Variants in ZNF43 observed in about 807,000 individuals in gnomAD.
ZNF43 encodes zinc finger protein 43.
In ZNF43, 44 loss-of-function variants were observed where a neutral mutation model predicts 68.4. The observed-to-expected ratio is 0.64, with a 90% CI of 0.51 to 0.83. The LOEUF is 0.83. ZNF43 is among the 40% of genes least tolerant of loss of function. The pLI, the probability that ZNF43 is intolerant of heterozygous loss-of-function variation, is 0.00. For missense variants in ZNF43, 896 were observed against 933.2 expected, an observed-to-expected ratio of 0.96 and a Z score of 0.52; for synonymous variants, 308 against 307.8, an observed-to-expected ratio of 1.00 and a Z score of -0.01.
intron 1 of ZNF43, among the ~76,000 whole-genome samples, chr19:21,832,641 C>G (rs1392950235): frequency 8.1e-6 from 1 of 123,236 alleles, no homozygotes; most frequent in Non-Finnish European, 1.7e-5. Context: ...CCAAGGCAGG[C>G]AGATAACAAG....
chr19:21,827,015 A>G (rs1367518174), intron 1 of ZNF43: 1 of 150,214 alleles, frequency 6.7e-6, no homozygotes, highest in Non-Finnish European at 1.5e-5. Context: ...AAAAAAAAAA[A>G]GAAGTTCAAA....
At chr19:21,839,413 C>A (rs1967359964), upstream of ZNF43, among the ~76,000 whole-genome samples, 2 of 145,600 alleles carry the variant, frequency 1.4e-5, no homozygotes, top group South Asian at 4.3e-4. Context: ...CCCCAGTGGA[C>A]AAGGCCAAAA....
Position 21,808,633 on chromosome 19 carries a change from G to T in ZNF43, c.1404C>A (p.Asn468Lys). 6.2e-7 allele frequency: 1 copy of T among 1,613,204 alleles called. No homozygotes were observed. The highest frequency in any genetic ancestry group is 8.5e-7 in the Non-Finnish European group (1 of 1,179,636). ...VCGKAFNQFS[N>K]LTTHKRIHTA... ...TATGAATTCTCTTATGTGTAGTAAGGTTTGAGAACTGGTTAAAGGCTTTGC... is the reference window on the plus strand; with the variant it reads ...TATGAATTCTCTTATGTGTAGTAAGTTTTGAGAACTGGTTAAAGGCTTTGC... The change falls in exon 4 of 4, where the codon AAC (asparagine) becomes AAA (lysine). Residue 468 changes from asparagine to lysine, a missense_variant. Coordinates refer to ENST00000354959, the MANE Select transcript of ZNF43 (RefSeq NM_003423.4).
At chr19:21,812,267 C>T (rs919741126) in intron 3 of ZNF43, among the ~76,000 whole-genome samples, 4 of 152,272 alleles carry the variant, frequency 2.6e-5, no homozygotes, top group South Asian at 2.1e-4. Flanking sequence ...GCTGGGATTA[C>T]AGGCGCGCAC....
chr19:21,836,715 G>T (rs74606132), upstream of ZNF43, among the ~76,000 whole-genome samples: 5,535 of 152,202 alleles, frequency 0.036, 185 homozygotes, highest in South Asian at 0.15. Context: ...CTTCTGAGTA[G>T]CTGGGACCAC....
At chr19:21,838,525 G>A (rs1005475486), upstream of ZNF43, among the ~76,000 whole-genome samples, 5 of 151,526 alleles carry the variant, frequency 3.3e-5, no homozygotes, top group African/African-American at 4.9e-5. Flanking sequence ...TCAGCCTCCC[G>A]AGTAGCTGGG....
intron 1 of ZNF43, chr19:21,827,371 T>A (rs1453538520): frequency 6.6e-6 from 1 of 152,118 alleles, no homozygotes; most frequent in Non-Finnish European, 1.5e-5. Flanking sequence ...TGTGGTTTTT[T>A]TTTTTTTGAA....
In ZNF43 at chr19:21,808,274, T is replaced by C; in HGVS notation, c.1763A>G (p.His588Arg). 1 of 1,613,622 alleles carries C rather than the reference T, an allele frequency of 6.2e-7. No homozygotes were observed. The highest frequency in any genetic ancestry group is 8.5e-7 in the Non-Finnish European group (1 of 1,179,852). The change falls in exon 4 of 4, where the codon CAT becomes CGT. Residue 588 changes from histidine (H) to arginine (R), a missense_variant. Transcript: ENST00000354959. ...ACATTTGTAGAATTTCTCTCCAGTA[T>C]GAATTTTCTTATGTGTAGTAAGGTT... Reference protein sequence around the residue: ...SSNLTTHKKIHTGEKFYKCEE... With the variant: ...SSNLTTHKKIRTGEKFYKCEE...
At position 21,816,324 on chromosome 19, in the gene ZNF43, A is replaced by C. The variant is rs938808394; in HGVS notation, c.229+1564T>G. On this transcript the variant is annotated intron_variant, in intron 3 of 3. Transcript: ENST00000354959. ...AGATCAGGCTGGGTTATGTAGCAAGACCCCATCTGAAAAATAAGTTCCTTT... is the reference window on the plus strand; with the variant it reads ...AGATCAGGCTGGGTTATGTAGCAAGCCCCCATCTGAAAAATAAGTTCCTTT... 3.3e-5 allele frequency among the ~76,000 whole-genome samples: 5 copies of C among 152,212 alleles called. No individual in the cohort carries two copies. The South Asian group carries it at 8.3e-4, about 25-fold the overall frequency.
intron 1 of ZNF43, among the ~76,000 whole-genome samples, chr19:21,828,765 G>A (rs190174256): frequency 6.9e-4 from 105 of 151,240 alleles, no homozygotes; most frequent in African/African-American, 2.4e-3. Context: ...CGGACGCGGT[G>A]GCTCACGCCT....
intron 1 of ZNF43, chr19:21,826,785 G>C (rs1231131804): frequency 6.6e-6 from 1 of 150,510 alleles, no homozygotes; most frequent in Non-Finnish European, 1.5e-5. Flanking sequence ...GCAGTGAGCC[G>C]AGATCGCGCC....
intron 3 of ZNF43, 99 bp downstream of exon 3, chr19:21,817,789 G>A: frequency 7.9e-7 from 1 of 1,265,196 alleles, no homozygotes; most frequent in Non-Finnish European, 1.1e-6. Flanking sequence ...TCTTTCCTTT[G>A]GAACACAGCT....
intron 1 of ZNF43, chr19:21,843,225 T>C: frequency 4.1e-6 from 1 of 241,342 alleles, no homozygotes; most frequent in East Asian, 1.9e-4. Context: ...ATGATCTACA[T>C]GCTGGGTCCA....
Position 21,809,742 on chromosome 19 carries a change from C to G in ZNF43, c.295G>C (p.Ala99Pro). The change falls in exon 4 of 4, where the codon GCG becomes CCG. Residue 99 changes from alanine (A) to proline (P), a missense_variant. Ala to Pro is a conservative substitution (Grantham distance 27). Coordinates refer to ENST00000354959, the MANE Select transcript of ZNF43 (RefSeq NM_003423.4). ...CAGTTTTTATATCTTCTCAGTGTCG[C>G]TTTTTGGAAAGGATCTTTTATATGC... is the stretch of plus-strand genomic sequence containing the variant. ...EQHIKDPFQK[A>P]TLRRYKNCEH... 1 of 1,604,932 alleles carries G rather than the reference C, an allele frequency of 6.2e-7. No homozygotes were observed.
rs1381280522 is a variant in ZNF43, at chr19:21,809,258, C to A, written c.779G>T (p.Cys260Phe). The change falls in exon 4 of 4, where the codon TGT (cysteine) becomes TTT (phenylalanine). Residue 260 changes from cysteine (C) to phenylalanine (F), a missense_variant. Cys to Phe is a radical substitution (Grantham distance 205). Transcript: ENST00000354959. ...GTTAAAAGCTTTGCCACATTCTTCACATTTGTAGAGTTTGTATCTAGTATA... is the reference window on the plus strand; with the variant it reads ...GTTAAAAGCTTTGCCACATTCTTCAAATTTGTAGAGTTTGTATCTAGTATA... ...KNYTRYKLYK[C>F]EECGKAFNKS... 3 of 1,613,414 alleles carry A rather than the reference C, an allele frequency of 1.9e-6. No homozygotes were observed. Among genetic ancestry groups the A allele is most frequent in the Non-Finnish European group, 2.5e-6 (3 of 1,179,858 alleles).
intron 1 of ZNF43, among the ~76,000 whole-genome samples, chr19:21,849,679 T>C (rs550184511): frequency 6.6e-6 from 1 of 151,500 alleles, no homozygotes; most frequent in East Asian, 1.9e-4. Flanking sequence ...GAGGCGGAGG[T>C]TGCAGTGAGC....
At chr19:21,816,714 C>T (rs1481352659) in intron 3 of ZNF43, among the ~76,000 whole-genome samples, 2 of 152,176 alleles carry the variant, frequency 1.3e-5, no homozygotes, top group Non-Finnish European at 2.9e-5. Context: ...GAAACCCACA[C>T]AGTTACCTGG....
chr19:21,808,804 T>G lies in ZNF43; in HGVS notation c.1233A>C (p.Ser411=). The G allele has an allele frequency of 6.2e-7, 1 of 1,612,980 alleles. No homozygotes were observed. The highest frequency in any genetic ancestry group is 1.1e-5 in the South Asian group (1 of 91,026). ...GAGTTAACTTATGTTCAGTAAGCTT[T>G]GAGGACCACTTAAAAGCTTTGCCAC... ...EECGKAFKWS[S]KLTEHKLTHT... is the part of the protein sequence containing the mutation. The change falls in exon 4 of 4, where the codon TCA becomes TCC. Residue 411 remains serine (S), a synonymous_variant. Transcript: ENST00000354959.
chr19:21,808,643 T>C lies in ZNF43; in HGVS notation c.1394A>G (p.Gln465Arg), dbSNP rs1234783675. Residue 465 changes from glutamine (Q) to arginine (R), a missense_variant, in exon 4 of 4, where the codon CAG (glutamine) becomes CGG (arginine). By Grantham distance (43) the Gln-to-Arg change is conservative (BLOSUM62 1). Coordinates refer to ENST00000354959, the MANE Select transcript of ZNF43 (RefSeq NM_003423.4). ...CTTATGTGTAGTAAGGTTTGAGAAC[T>C]GGTTAAAGGCTTTGCCACATACTTC... ...KCEVCGKAFN[Q>R]FSNLTTHKRI... 6 of 1,613,452 alleles carry C rather than the reference T, an allele frequency of 3.7e-6. No homozygotes were observed. The highest frequency in any genetic ancestry group is 5.1e-6 in the Non-Finnish European group (6 of 1,179,822).
Sources: gnomAD v4.1 joint callset for allele counts (sites outside exome capture counted in the v4.1 genomes callset) on GRCh38, gnomAD v4.1.1 for gene constraint, MANE v1.5 for transcripts, NCBI Gene and HGNC (gene_info 2026-07-23, HGNC 2026-07-21) for gene names.